Variants in AHI1 observed in about 807,000 individuals in gnomAD.
The protein encoded by AHI1 is Abelson helper integration site 1, also known as jouberin.
Under a neutral mutation model 149.3 loss-of-function variants are expected in AHI1, and 123 were observed. That is an observed-to-expected ratio of 0.82 (90% CI 0.71 to 0.96). The LOEUF is 0.96. Among genes scored for constraint, AHI1 ranks in the 40% least tolerant of loss-of-function variants. The pLI is 0.00. For synonymous variants in AHI1, 475 were observed against 459.8 expected (o/e 1.03, Z -0.42); for missense variants, 1,439 against 1,422.7 (o/e 1.01, Z -0.18).
At chr6:135,421,481 C>G (rs1364342252) in intron 20 of AHI1, among the ~76,000 whole-genome samples, 2 of 151,902 alleles carry the variant, frequency 1.3e-5, no homozygotes, top group Non-Finnish European at 2.9e-5. Context: ...AGAATATATG[C>G]TATTCTAATT....
chr6:135,289,267 A>G (rs1782047472), intron 28 of AHI1, among the ~76,000 whole-genome samples: 1 of 151,884 alleles, frequency 6.6e-6, no homozygotes, highest in African/African-American at 2.4e-5. Flanking sequence ...AGGCTGAGGC[A>G]GGTGGATGGC....
intron 23 of AHI1, among the ~76,000 whole-genome samples, chr6:135,385,844 G>A (rs1484788233): frequency 6.6e-6 from 1 of 152,182 alleles, no homozygotes; most frequent in Non-Finnish European, 1.5e-5. Flanking sequence ...AACATTGATT[G>A]ATTTAGGAAG....
chr6:135,448,426 T>C lies in AHI1; in HGVS notation c.1490A>G (p.Gln497Arg). ...NANINSKLRL[Q>R]LYYPPTKPRS... Reference sequence around the variant, plus strand: ...AGGCTTAGTAGGTGGGTAATATAGCTGCAAGCGAAGTTTTGAGTTGATGTT... The same window carrying C: ...AGGCTTAGTAGGTGGGTAATATAGCCGCAAGCGAAGTTTTGAGTTGATGTT... Residue 497 changes from glutamine (Q) to arginine (R), a missense_variant, in exon 12 of 29, where the codon CAG becomes CGG. Transcript: ENST00000265602. 1.3e-6 allele frequency: 2 copies of C among 1,569,298 alleles called. No homozygotes were observed. The highest frequency in any genetic ancestry group is 1.7e-6 in the Non-Finnish European group (2 of 1,148,404).
chr6:135,478,284 T>G (rs1359489293), intron 5 of AHI1, among the ~76,000 whole-genome samples: 1 of 152,172 alleles, frequency 6.6e-6, no homozygotes, highest in East Asian at 1.9e-4. Context: ...TCATAGAGAC[T>G]TGTTGAATGG....
intron 23 of AHI1, chr6:135,388,177 A>T (rs909271495): frequency 5.5e-5 from 48 of 867,258 alleles, no homozygotes; most frequent in Non-Finnish European, 1.0e-5. Flanking sequence ...ATAGTGAATT[A>T]ATGCCTTTTA....
chr6:135,479,743 T>C lies in AHI1; in HGVS notation c.135+10880A>G, dbSNP rs527980732. On this transcript the variant is annotated intron_variant, in intron 5 of 28. Transcript: ENST00000265602. ...CGAAATGTGAGAAGGACATGAGATTTGGGAGGGGCCAGGGGTGGAATGATA... is the reference window on the plus strand; with the variant it reads ...CGAAATGTGAGAAGGACATGAGATTCGGGAGGGGCCAGGGGTGGAATGATA... Among the ~76,000 whole-genome samples, 9 of 152,246 alleles carry C rather than the reference T, an allele frequency of 5.9e-5. No individual in the cohort carries two copies. The South Asian group carries it at 1.2e-3, about 21-fold the overall frequency.
chr6:135,490,860 C>T, intron 4 of AHI1, 113 bp from the exon 5 acceptor site: 2 of 1,305,116 alleles, frequency 1.5e-6, no homozygotes, highest in Non-Finnish European at 2.1e-6. Context: ...AGTTCTCTAG[C>T]TACATTAGAA....
chr6:135,300,352 C>A, intron 27 of AHI1, 148 bp downstream of exon 27: 3 of 853,652 alleles, frequency 3.5e-6, no homozygotes, highest in Non-Finnish European at 4.8e-6. Context: ...AAAAAAAAAT[C>A]GTAAACAAGC....
chr6:135,368,059 T>G (rs528659284), intron 23 of AHI1, among the ~76,000 whole-genome samples: 2 of 152,318 alleles, frequency 1.3e-5, no homozygotes, highest in Admixed American at 1.3e-4. Context: ...GATGTGGTGC[T>G]CTCCCCATTC....
intron 20 of AHI1, among the ~76,000 whole-genome samples, chr6:135,420,409 A>C (rs1178720302): frequency 1.3e-5 from 2 of 152,146 alleles, no homozygotes; most frequent in African/African-American, 4.8e-5. Flanking sequence ...CTATGAAACT[A>C]CTGGAGGGCA....
intron 26 of AHI1, among the ~76,000 whole-genome samples, chr6:135,313,128 G>A (rs1785444559): frequency 6.6e-6 from 1 of 152,106 alleles, no homozygotes; most frequent in Admixed American, 6.5e-5. Flanking sequence ...GACTCAGAGT[G>A]CACTCAAATC....
chr6:135,350,125 A>G (rs1044060699), intron 24 of AHI1, among the ~76,000 whole-genome samples: 1 of 152,206 alleles, frequency 6.6e-6, no homozygotes, highest in Admixed American at 6.5e-5. Context: ...TTCTGAAATA[A>G]GTCAGTAACA....
intron 23 of AHI1, among the ~76,000 whole-genome samples, chr6:135,370,706 G>A (rs1023714255): frequency 6.6e-6 from 1 of 151,950 alleles, no homozygotes; most frequent in Non-Finnish European, 1.5e-5. Flanking sequence ...GTTTATGTGA[G>A]GTCTTCTCAA....
intron 22 of AHI1, among the ~76,000 whole-genome samples, chr6:135,396,423 T>G (rs1357443382): frequency 6.6e-6 from 1 of 151,818 alleles, no homozygotes; most frequent in African/African-American, 2.4e-5. Context: ...ACGGGTATCA[T>G]AAAGTGCTAT....
At chr6:135,363,975 G>A (rs1192598772) in intron 23 of AHI1, among the ~76,000 whole-genome samples, 8 of 148,106 alleles carry the variant, frequency 5.4e-5, no homozygotes, top group East Asian at 2.0e-4. Flanking sequence ...GGACGGGGCG[G>A]CTGGCCGGGC....
At chr6:135,319,224 C>T (rs912195920) in intron 25 of AHI1, among the ~76,000 whole-genome samples, 1 of 152,176 alleles carries the variant, frequency 6.6e-6, no homozygotes, top group Non-Finnish European at 1.5e-5. Context: ...GTGGCTCATG[C>T]CAACACTTTG....
At chr6:135,487,903 C>CT (rs560154810) in intron 5 of AHI1, among the ~76,000 whole-genome samples, 93 of 147,266 alleles carry the variant, frequency 6.3e-4, no homozygotes, top group East Asian at 1.2e-3. Flanking sequence ...AATCTTAAAT[C>CT]TTTTTTTTTT....
rs1333637917 is a variant in AHI1, at chr6:135,492,202, A to G, written c.10+26T>C. The G allele has an allele frequency of 8.8e-6, 13 of 1,479,786 alleles. No homozygotes were observed. In the Admixed American group the frequency reaches 1.9e-4, roughly 22 times the overall value. The allele number at this position is 1,479,786 out of a possible 1,614,324, so 91.7% of individuals were successfully genotyped here. The stretch of plus-strand genomic sequence containing the variant: ...AGTAAATGTATAAAATATAAATTTT[A>G]TACATAAATTTCATAGAAGTCTTAC... On this transcript the variant is annotated intron_variant, in intron 4 of 28. Coordinates refer to ENST00000265602, the MANE Select transcript of AHI1 (RefSeq NM_001134831.2).
At chr6:135,310,055 C>A (rs1235086714) in intron 26 of AHI1, among the ~76,000 whole-genome samples, 1 of 152,060 alleles carries the variant, frequency 6.6e-6, no homozygotes, top group East Asian at 1.9e-4. Context: ...ACAATTATGA[C>A]CATATTTCCA....
Sources: gnomAD v4.1 joint callset for allele counts (sites outside exome capture counted in the v4.1 genomes callset) on GRCh38, gnomAD v4.1.1 for gene constraint, MANE v1.5 for transcripts, NCBI Gene and HGNC (gene_info 2026-07-23, HGNC 2026-07-21) for gene names.